Variants in NUP93 observed in about 807,000 individuals in gnomAD.
The protein encoded by NUP93 is nuclear pore complex protein Nup93.
NUP93 carries 55 observed loss-of-function variants against 107.8 expected under a neutral mutation model. The observed-to-expected ratio is 0.51, with a 90% CI of 0.41 to 0.64. The LOEUF is 0.64. Ranked by LOEUF, NUP93 falls within the 30% of genes least tolerant of loss-of-function variation. NUP93 has a pLI of 0.00. For missense variants in NUP93, 937 were observed against 1,044.7 expected, an observed-to-expected ratio of 0.90 and a Z score of 1.42; for synonymous variants, 390 against 397.5, an observed-to-expected ratio of 0.98 and a Z score of 0.22.
chr16:56,749,229 G>C (rs1961875348), intron 2 of NUP93, among the ~76,000 whole-genome samples: 1 of 152,220 alleles, frequency 6.6e-6, no homozygotes, highest in African/African-American at 2.4e-5. Flanking sequence ...CTTAAGAAAT[G>C]TGATTTACTG....
In NUP93 at chr16:56,849,605, TA is replaced by T. The variant is rs1422953711; in HGVS notation, c.*4998del. On this transcript the variant is annotated 3_prime_UTR_variant, in exon 22 of 22. Transcript: ENST00000308159. ...ACCCAGGGGCTTTATGGCCTGCAGG[TA>T]AGGCCCCTTCATCCGGGTCAGACTT... The T allele has an allele frequency of 6.6e-6, 1 of 152,240 alleles. No individual in the cohort carries two copies. Among genetic ancestry groups the T allele is most frequent in the African/African-American group, 2.4e-5 (1 of 41,456 alleles). 9.4% of individuals were successfully genotyped at this position (152,240 alleles called of 1,614,324 possible). A position where few individuals can be genotyped will look rare whatever the true frequency, so the allele number is the denominator to read the frequency against.
Position 56,810,373 on chromosome 16 carries a change from A to T in NUP93, c.489+4741A>T, listed in dbSNP as rs1963287195. Among the ~76,000 whole-genome samples the T allele has an allele frequency of 3.9e-5, 6 of 152,200 alleles. No homozygotes were observed. The South Asian group carries it at 1.2e-3, about 32-fold the overall frequency. On this transcript the variant is annotated intron_variant, in intron 5 of 21. Coordinates refer to ENST00000308159, the MANE Select transcript of NUP93 (RefSeq NM_014669.5). ...GCTGAGTGCAGTGGCTTATGCCTGT[A>T]ATTCCAGCATTTTGGGAGGCTGAGG...
chr16:56,743,617 A>G (rs1961773131), intron 1 of NUP93, among the ~76,000 whole-genome samples: 1 of 152,104 alleles, frequency 6.6e-6, no homozygotes, highest in South Asian at 2.1e-4. Context: ...GGAGCTTTTT[A>G]TTGAAGTATG....
chr16:56,753,995 A>T (rs78148983), intron 2 of NUP93, among the ~76,000 whole-genome samples: 1,863 of 151,998 alleles, frequency 0.012, 60 homozygotes, highest in Admixed American at 0.073. Context: ...TTAATGAAGA[A>T]AAGAGGTTTA....
At chr16:56,734,912 C>T (rs1460256400) in intron 1 of NUP93, among the ~76,000 whole-genome samples, 1 of 152,186 alleles carries the variant, frequency 6.6e-6, no homozygotes, top group African/African-American at 2.4e-5. Flanking sequence ...ATGCACCCTA[C>T]TGTCTGTGCC....
chr16:56,733,682 G>GA (rs1193565476), intron 1 of NUP93, among the ~76,000 whole-genome samples: 7 of 152,152 alleles, frequency 4.6e-5, no homozygotes, highest in African/African-American at 1.7e-4. Context: ...ACTGGCTTGG[G>GA]AAAAGAGTTG....
chr16:56,798,467 C>T lies in NUP93; in HGVS notation c.298-9C>T, dbSNP rs1962946884. On this transcript the variant is annotated splice_polypyrimidine_tract_variant and intron_variant, in intron 3 of 21. Coordinates refer to ENST00000308159, the MANE Select transcript of NUP93 (RefSeq NM_014669.5). ...ATTTTAAGTTGTGTTAATTTTCCCC[C>T]ATTTATAGGGCTTCCTGAAGAATGA... 2 of 1,612,470 alleles carry T rather than the reference C, an allele frequency of 1.2e-6. No individual in the cohort carries two copies. Among genetic ancestry groups the T allele is most frequent in the African/African-American group, 2.7e-5 (2 of 74,972 alleles).
intron 3 of NUP93, among the ~76,000 whole-genome samples, chr16:56,777,948 G>A (rs1340533687): frequency 6.6e-6 from 1 of 152,182 alleles, no homozygotes; most frequent in African/African-American, 2.4e-5. Flanking sequence ...AAGTTAAGAA[G>A]TGGTTTTGTT....
intron 5 of NUP93, among the ~76,000 whole-genome samples, chr16:56,809,456 A>G (rs1312004877): frequency 2.0e-5 from 3 of 152,204 alleles, no homozygotes; most frequent in African/African-American, 2.4e-5. Flanking sequence ...ATTTAAAATT[A>G]CGTTACAAAA....
chr16:56,819,991 G>C (rs138542818), intron 6 of NUP93, among the ~76,000 whole-genome samples: 1 of 151,926 alleles, frequency 6.6e-6, no homozygotes, highest in African/African-American at 2.4e-5. Flanking sequence ...TACTCCCCCT[G>C]TGCATCTGTA....
intron 3 of NUP93, among the ~76,000 whole-genome samples, chr16:56,777,135 A>C (rs1962430071): frequency 6.6e-6 from 1 of 152,190 alleles, no homozygotes; most frequent in Non-Finnish European, 1.5e-5. Flanking sequence ...TTAAAACTGT[A>C]GTGAATTGCC....
chr16:56,781,063 G>T (rs1449559630), intron 3 of NUP93, among the ~76,000 whole-genome samples: 4 of 152,060 alleles, frequency 2.6e-5, no homozygotes, highest in Non-Finnish European at 5.9e-5. Flanking sequence ...ATGTTAAAAC[G>T]TGGAGGAAAA....
At position 56,748,228 on chromosome 16, in the gene NUP93, A is replaced by C; in HGVS notation, c.-14-6A>C. 1 of 1,573,300 alleles carries C rather than the reference A, an allele frequency of 6.4e-7. No individual in the cohort carries two copies. Among genetic ancestry groups the C allele is most frequent in the Non-Finnish European group, 8.7e-7 (1 of 1,153,202 alleles). ...TTTAGATCTTTTCATTTTTTCTCCC[A>C]TCTAGGATCTGCATCTCCAATGGAT... is the stretch of plus-strand genomic sequence containing the variant. On this transcript the variant is annotated splice_region_variant and splice_polypyrimidine_tract_variant and intron_variant, in intron 1 of 21. Transcript: ENST00000308159.
chr16:56,821,487 G>T lies in NUP93; in HGVS notation c.565-17G>T, dbSNP rs1377371483. ...AAATAGATACTTTGCCATTTACTTT[G>T]CTTTTTATCATTTCAGATTTATATC... On this transcript the variant is annotated splice_polypyrimidine_tract_variant and intron_variant, in intron 6 of 21. Coordinates refer to ENST00000308159, the MANE Select transcript of NUP93 (RefSeq NM_014669.5). 2 of 1,528,122 alleles carry T rather than the reference G, an allele frequency of 1.3e-6. No individual in the cohort carries two copies. Among genetic ancestry groups the T allele is most frequent in the Non-Finnish European group, 1.8e-6 (2 of 1,102,554 alleles). The allele number at this position is 1,528,122 out of a possible 1,614,324, so 94.7% of individuals were successfully genotyped here. A position where few individuals can be genotyped will look rare whatever the true frequency, so the allele number is the denominator to read the frequency against.
chr16:56,750,693 A>G (rs759042276), intron 2 of NUP93, among the ~76,000 whole-genome samples: 1 of 152,156 alleles, frequency 6.6e-6, no homozygotes, highest in Admixed American at 6.5e-5. Context: ...GCTTATTTGT[A>G]TTGTCTGTGC....
intron 3 of NUP93, among the ~76,000 whole-genome samples, chr16:56,794,048 C>T (rs1034024658): frequency 1.3e-5 from 2 of 149,950 alleles, no homozygotes; most frequent in East Asian, 2.0e-4. Context: ...GAGCGAGACT[C>T]CATCTCTAGA....
intron 1 of NUP93, among the ~76,000 whole-genome samples, chr16:56,731,130 A>G (rs1176690042): frequency 6.6e-6 from 1 of 152,120 alleles, no homozygotes; most frequent in East Asian, 1.9e-4. Flanking sequence ...CATTAAATAC[A>G]TACATATCAG....
intron 2 of NUP93, among the ~76,000 whole-genome samples, chr16:56,757,140 T>C (rs962825543): frequency 6.6e-6 from 1 of 152,224 alleles, no homozygotes; most frequent in Non-Finnish European, 1.5e-5. Flanking sequence ...GAACTACATA[T>C]GCGAAATCCT....
At chr16:56,814,958 C>T (rs1223887439) in intron 5 of NUP93, among the ~76,000 whole-genome samples, 1 of 152,116 alleles carries the variant, frequency 6.6e-6, no homozygotes, top group Admixed American at 6.6e-5. Flanking sequence ...GGAATGTGCA[C>T]GTACACATCC....
Sources: gnomAD v4.1 joint callset for allele counts (sites outside exome capture counted in the v4.1 genomes callset) on GRCh38, gnomAD v4.1.1 for gene constraint, MANE v1.5 for transcripts, NCBI Gene and HGNC (gene_info 2026-07-23, HGNC 2026-07-21) for gene names.